Variants in GALNT18 observed in about 807,000 individuals in gnomAD.
GALNT18 encodes polypeptide N-acetylgalactosaminyltransferase 18.
A neutral mutation model predicts 69.5 loss-of-function variants in GALNT18; 44 were observed. That is an observed-to-expected ratio of 0.63 (90% CI 0.50 to 0.81). GALNT18 has a LOEUF of 0.81. GALNT18 is among the 40% of genes least tolerant of loss of function. The pLI is 0.00. For synonymous variants in GALNT18, 364 were observed against 318.2 expected (o/e 1.14, Z -1.53); for missense variants, 715 against 810.0 (o/e 0.88, Z 1.42).
At chr11:11,531,314 C>T (rs1045739055) in intron 1 of GALNT18, among the ~76,000 whole-genome samples, 6 of 152,210 alleles carry the variant, frequency 3.9e-5, no homozygotes, top group African/African-American at 9.7e-5. Context: ...GCATTGCAGA[C>T]ATGTGGGAGG....
intron 1 of GALNT18, among the ~76,000 whole-genome samples, chr11:11,451,990 TTC>T (rs1855810268): frequency 6.6e-6 from 1 of 152,196 alleles, no homozygotes; most frequent in Non-Finnish European, 1.5e-5. Flanking sequence ...TGTTAACATA[TTC>T]TCTTTGGAGC....
At chr11:11,274,496 G>A (rs980483796) in intron 10 of GALNT18, among the ~76,000 whole-genome samples, 2 of 152,212 alleles carry the variant, frequency 1.3e-5, no homozygotes, top group African/African-American at 4.8e-5. Flanking sequence ...GGATGCTCAA[G>A]CTTGGTTGGG....
rs959393163 is a variant in GALNT18, at chr11:11,619,326, A to G, written c.235+2033T>C. 6.6e-6 allele frequency among the ~76,000 whole-genome samples: 1 copy of G among 152,052 alleles called. No individual in the cohort carries two copies. Among genetic ancestry groups the G allele is most frequent in the African/African-American group, 2.4e-5 (1 of 41,388 alleles). On this transcript the variant is annotated intron_variant, in intron 1 of 10. Coordinates refer to ENST00000227756, the MANE Select transcript of GALNT18 (RefSeq NM_198516.3). This position sits in a 1 kb window ranked among gnomAD's most constrained non-coding sequence, Gnocchi z 4.9. ...CTATTTTTTTAACCTATCTTCTCCAATTTTTCAGGTATAGATTTGAAAGTG... is the reference window on the plus strand; with the variant it reads ...CTATTTTTTTAACCTATCTTCTCCAGTTTTTCAGGTATAGATTTGAAAGTG...
At chr11:11,379,697 G>A (rs192087442) in intron 3 of GALNT18, among the ~76,000 whole-genome samples, 107 of 152,246 alleles carry the variant, frequency 7.0e-4, no homozygotes, top group African/African-American at 2.4e-3. Flanking sequence ...CATCTCCATC[G>A]GTGCTCCTAT....
Position 11,587,153 on chromosome 11 carries a change from C to T in GALNT18, c.235+34206G>A, listed in dbSNP as rs966089593. Among the ~76,000 whole-genome samples the T allele has an allele frequency of 3.3e-5, 5 of 152,212 alleles. No individual in the cohort carries two copies. Among genetic ancestry groups the T allele is most frequent in the African/African-American group, 9.7e-5 (4 of 41,442 alleles). ...CAGCCACAAAACAGTTACTGCCTGG[C>T]ACAGCAATTTGCTCTAGCACTATAT... On this transcript the variant is annotated intron_variant, in intron 1 of 10. Transcript: ENST00000227756. The surrounding 1 kb of genome is among the most constrained non-coding windows in gnomAD (Gnocchi z 4.4).
chr11:11,441,362 A>T (rs1480080358), intron 2 of GALNT18, among the ~76,000 whole-genome samples: 1 of 152,134 alleles, frequency 6.6e-6, no homozygotes, highest in Non-Finnish European at 1.5e-5. Flanking sequence ...CTTTGTCCTT[A>T]AGTTGCCTTC....
intron 1 of GALNT18, among the ~76,000 whole-genome samples, chr11:11,489,409 G>A (rs1447600367): frequency 1.3e-5 from 2 of 152,208 alleles, no homozygotes; most frequent in Non-Finnish European, 2.9e-5. Context: ...GAACCTCCCT[G>A]AGATAATAGT....
intron 6 of GALNT18, among the ~76,000 whole-genome samples, chr11:11,358,240 A>C (rs1217121560): frequency 7.1e-6 from 1 of 140,346 alleles, no homozygotes; most frequent in Non-Finnish European, 1.6e-5. Context: ...ATTTCTCTCT[A>C]TCTTAACACC....
intron 10 of GALNT18, among the ~76,000 whole-genome samples, chr11:11,284,030 G>A (rs546396942): frequency 5.3e-5 from 8 of 152,256 alleles, no homozygotes; most frequent in South Asian, 2.1e-4. Flanking sequence ...TCTGTGCCCC[G>A]CCTTGGCCAC....
Position 11,494,085 on chromosome 11 carries a change from C to T in GALNT18, c.236-45149G>A, listed in dbSNP as rs907649542. Among the ~76,000 whole-genome samples the T allele has an allele frequency of 6.6e-6, 1 of 152,114 alleles. No individual in the cohort carries two copies. Among genetic ancestry groups the T allele is most frequent in the South Asian group, 2.1e-4 (1 of 4,816 alleles). ...TGCTGCTGCAAGGATTTAGTGAAGCCATGCATATAAAGAACTTAGCACAGT... is the reference window on the plus strand; with the variant it reads ...TGCTGCTGCAAGGATTTAGTGAAGCTATGCATATAAAGAACTTAGCACAGT... On this transcript the variant is annotated intron_variant, in intron 1 of 10. Transcript: ENST00000227756. The surrounding 1 kb of genome is among the most constrained non-coding windows in gnomAD (Gnocchi z 5.7).
rs1855885795 is a variant in GALNT18 at position 11,454,660 on chromosome 11, T to C, written c.236-5724A>G. ...GAGACTCTAGAAAACTGGCCTAAGA[T>C]GCCCTCAGGAAGTGTCCAGCTCAAA... On this transcript the variant is annotated intron_variant, in intron 1 of 10. Coordinates refer to ENST00000227756, the MANE Select transcript of GALNT18 (RefSeq NM_198516.3). This position sits in a 1 kb window ranked among gnomAD's most constrained non-coding sequence, Gnocchi z 4.2. 2.6e-5 allele frequency among the ~76,000 whole-genome samples: 4 copies of C among 152,140 alleles called. No homozygotes were observed. In the South Asian group the frequency reaches 8.3e-4, roughly 32 times the overall value.
intron 6 of GALNT18, among the ~76,000 whole-genome samples, chr11:11,363,332 G>C (rs1348363735): frequency 1.3e-5 from 2 of 152,076 alleles, no homozygotes; most frequent in African/African-American, 4.8e-5. Flanking sequence ...TACTTCTTAG[G>C]TTGGTAGGAC....
intron 1 of GALNT18, among the ~76,000 whole-genome samples, chr11:11,488,265 C>T (rs944327291): frequency 6.6e-6 from 1 of 152,176 alleles, no homozygotes; most frequent in Non-Finnish European, 1.5e-5. Context: ...TGCAGGCTCT[C>T]GCGGAGAATC....
At chr11:11,355,964 AG>A (rs1178405692) in intron 6 of GALNT18, among the ~76,000 whole-genome samples, 3 of 152,244 alleles carry the variant, frequency 2.0e-5, no homozygotes, top group Admixed American at 6.5e-5. Context: ...CTTTGTATAC[AG>A]GTAGGCTTTG....
chr11:11,304,396 A>G (rs949713054), intron 9 of GALNT18, among the ~76,000 whole-genome samples: 1 of 152,214 alleles, frequency 6.6e-6, no homozygotes, highest in Admixed American at 6.5e-5. Flanking sequence ...TATGTTCAAG[A>G]AATCTCAAAC....
intron 1 of GALNT18, among the ~76,000 whole-genome samples, chr11:11,473,541 G>C (rs1856319973): frequency 6.7e-6 from 1 of 149,582 alleles, no homozygotes. Flanking sequence ...AAAGATGGCA[G>C]AGTGTGCAGA....
At chr11:11,483,314 G>A (rs113516438) in intron 1 of GALNT18, among the ~76,000 whole-genome samples, 1 of 152,242 alleles carries the variant, frequency 6.6e-6, no homozygotes, top group African/African-American at 2.4e-5. Context: ...CCCTCCTCTG[G>A]TCTCCCATGA....
At chr11:11,579,582 G>T (rs1374515653) in intron 1 of GALNT18, among the ~76,000 whole-genome samples, 1 of 152,202 alleles carries the variant, frequency 6.6e-6, no homozygotes, top group African/African-American at 2.4e-5. Flanking sequence ...GGGCATCGCA[G>T]GCCATCATCA....
chr11:11,450,566 T>C (rs1464262568), intron 1 of GALNT18, among the ~76,000 whole-genome samples: 1 of 152,168 alleles, frequency 6.6e-6, no homozygotes, highest in Non-Finnish European at 1.5e-5. Context: ...GAGACCTCAG[T>C]GTGAGAGATG....
Sources: allele counts gnomAD v4.1 joint callset (sites outside exome capture counted in the v4.1 genomes callset), GRCh38; gene constraint gnomAD v4.1.1; non-coding constraint Gnocchi (gnomAD v3.1); transcripts MANE v1.5; gene names NCBI Gene and HGNC (gene_info 2026-07-23, HGNC 2026-07-21).